TSHZ3: variants seen among roughly 807,000 people sequenced by gnomAD.
The protein encoded by TSHZ3 is teashirt zinc finger homeobox 3.
In TSHZ3, 10 loss-of-function variants were observed where a neutral mutation model predicts 64.5. The observed-to-expected ratio is 0.16, with a 90% CI of 0.10 to 0.26. TSHZ3 has a LOEUF of 0.26. TSHZ3 is among the 10% of genes least tolerant of loss of function. The pLI is 1.00. For missense variants in TSHZ3, 1,242 were observed against 1,421.7 expected (o/e 0.87, Z 2.03); for synonymous variants, 608 against 593.1 (o/e 1.03, Z -0.36).
intron 1 of TSHZ3, among the ~76,000 whole-genome samples, chr19:31,296,328 T>TC (rs1976659429): frequency 1.6e-4 from 3 of 18,370 alleles, no homozygotes. Flanking sequence ...GTGCTGTGAA[T>TC]TTTTTTTTTT....
chr19:31,345,498 G>T (rs904354842), intron 1 of TSHZ3, among the ~76,000 whole-genome samples: 1 of 152,166 alleles, frequency 6.6e-6, no homozygotes, highest in African/African-American at 2.4e-5. Context: ...GTTCCAGGGG[G>T]ATCCACAGTG....
chr19:31,317,830 C>T (rs1916647447), intron 1 of TSHZ3, among the ~76,000 whole-genome samples: 1 of 152,238 alleles, frequency 6.6e-6, no homozygotes, highest in Non-Finnish European at 1.5e-5. Flanking sequence ...TTTCCCTCTG[C>T]ATCTCTTTCA....
rs2145135793 is a variant in TSHZ3 at position 31,189,161 on chromosome 19, G to A, written n.809+15795C>T. 1.3e-5 allele frequency among the ~76,000 whole-genome samples: 2 copies of A among 151,824 alleles called. 1 individual carries two copies. Among genetic ancestry groups the A allele is most frequent in the South Asian group, 4.2e-4 (2 of 4,808 alleles). On this transcript the variant is annotated intron_variant and non_coding_transcript_variant, in intron 5 of 6. Transcript: ENST00000651361. ...TGGAAATTTGTGTTTCCCCTCTTCT[G>A]TTTTTAATTAACATAGTTAGTAATT...
chr19:31,191,927 A>T lies in TSHZ3; in HGVS notation n.809+13029T>A, dbSNP rs142150903. Among the ~76,000 whole-genome samples the T allele has an allele frequency of 1.8e-3, 272 of 152,306 alleles. 1 individual carries two copies. The highest frequency in any genetic ancestry group is 6.4e-3 in the African/African-American group (268 of 41,572). ...TCTTCTTTTGTATCTTCTTTATAAG[A>T]TATCTGACTGCTTACACTGAAATGA... On this transcript the variant is annotated intron_variant and non_coding_transcript_variant, in intron 5 of 6. Transcript: ENST00000651361.
At chr19:31,292,475 C>G (rs571039839) in intron 1 of TSHZ3, among the ~76,000 whole-genome samples, 1 of 151,002 alleles carries the variant, frequency 6.6e-6, no homozygotes, top group Non-Finnish European at 1.5e-5. Context: ...TAAACATGTA[C>G]AACTCAAACT....
intron 1 of TSHZ3, among the ~76,000 whole-genome samples, chr19:31,316,806 A>C (rs946283781): frequency 6.6e-6 from 1 of 152,164 alleles, no homozygotes; most frequent in Admixed American, 6.5e-5. Flanking sequence ...AGAGAGAGAC[A>C]GAAGCCAACC....
At chr19:31,315,227 TTC>T (rs1230174197) in intron 1 of TSHZ3, among the ~76,000 whole-genome samples, 1 of 152,250 alleles carries the variant, frequency 6.6e-6, no homozygotes. Flanking sequence ...TATTTTTTGT[TTC>T]TTTTTCTTTT....
intron 5 of TSHZ3, among the ~76,000 whole-genome samples, chr19:31,183,228 T>TCTCTCTTTC (rs1568340034): frequency 1.6e-4 from 2 of 12,556 alleles, no homozygotes; most frequent in East Asian, 2.2e-3. Context: ...CTCTCTCTCT[T>TCTCTCTTTC]TCTCTCTCTC....
chr19:31,172,316 G>A (rs1974546886), intron 5 of TSHZ3, among the ~76,000 whole-genome samples: 1 of 152,172 alleles, frequency 6.6e-6, no homozygotes, highest in South Asian at 2.1e-4. Flanking sequence ...CTGTCTAATA[G>A]GATGGGTTTG....
chr19:31,325,666 G>A (rs921478082), intron 1 of TSHZ3, among the ~76,000 whole-genome samples: 16 of 152,108 alleles, frequency 1.1e-4, no homozygotes, highest in African/African-American at 3.9e-4. Context: ...TAGCAATTCC[G>A]CCTGTAGGAC....
At chr19:31,284,260 C>T (rs897328624) in intron 1 of TSHZ3, among the ~76,000 whole-genome samples, 4 of 151,858 alleles carry the variant, frequency 2.6e-5, no homozygotes, top group African/African-American at 9.7e-5. Context: ...TTAACAGGAT[C>T]CCCCATTCTC....
chr19:31,201,751 G>T (rs935505342), intron 5 of TSHZ3, among the ~76,000 whole-genome samples: 4 of 152,098 alleles, frequency 2.6e-5, no homozygotes, highest in Admixed American at 2.6e-4. Context: ...GATGATTTAA[G>T]AAATAAAAGT....
intron 5 of TSHZ3, among the ~76,000 whole-genome samples, chr19:31,201,733 C>T (rs1342176419): frequency 6.6e-6 from 1 of 151,870 alleles, no homozygotes; most frequent in Non-Finnish European, 1.5e-5. Context: ...CCTCAGAAGA[C>T]CAGAGATGAT....
At chr19:31,337,383 T>C (rs866451159) in intron 1 of TSHZ3, among the ~76,000 whole-genome samples, 1 of 152,174 alleles carries the variant, frequency 6.6e-6, no homozygotes, top group Non-Finnish European at 1.5e-5. Flanking sequence ...TTTGCACCTA[T>C]TAATAGCAAA....
At chr19:31,347,421 C>T (rs2021549869) in intron 1 of TSHZ3, among the ~76,000 whole-genome samples, 1 of 151,842 alleles carries the variant, frequency 6.6e-6, no homozygotes, top group Non-Finnish European at 1.5e-5. Context: ...TGGATGGAGG[C>T]ACACACATAC....
chr19:31,328,706 G>A (rs1454513448), intron 1 of TSHZ3, among the ~76,000 whole-genome samples: 1 of 152,090 alleles, frequency 6.6e-6, no homozygotes, highest in Non-Finnish European at 1.5e-5. Flanking sequence ...TCTTCTTTAG[G>A]TAAGGGTCAG....
At chr19:31,209,850 C>T (rs1031999597) in intron 4 of TSHZ3, among the ~76,000 whole-genome samples, 36 of 151,976 alleles carry the variant, frequency 2.4e-4, no homozygotes, top group Non-Finnish European at 5.3e-4. Flanking sequence ...CCTCAAGGGC[C>T]CCCAACCCCT....
At chr19:31,226,841 T>C (rs1568353548) in intron 4 of TSHZ3, among the ~76,000 whole-genome samples, 1 of 152,170 alleles carries the variant, frequency 6.6e-6, no homozygotes, top group Non-Finnish European at 1.5e-5. Flanking sequence ...TAAGGTCACA[T>C]ATATTAGCAG....
At chr19:31,284,239 A>G (rs1976415604) in intron 1 of TSHZ3, among the ~76,000 whole-genome samples, 1 of 151,930 alleles carries the variant, frequency 6.6e-6, no homozygotes, top group African/African-American at 2.4e-5. Context: ...AAGGAGTTGT[A>G]ACAGCCTTTG....
Sources: allele counts gnomAD v4.1 joint callset (sites outside exome capture counted in the v4.1 genomes callset), GRCh38; gene constraint gnomAD v4.1.1; transcripts MANE v1.5; gene names NCBI Gene and HGNC (gene_info 2026-07-23, HGNC 2026-07-21).